MICU2: variants seen among roughly 807,000 people sequenced by gnomAD.
The protein encoded by MICU2 is calcium uptake protein 2, mitochondrial.
A neutral mutation model predicts 60.4 loss-of-function variants in MICU2; 64 were observed. The ratio of observed to expected loss-of-function variants is 1.06; its 90% CI spans 0.87 to 1.31. MICU2 has a LOEUF of 1.31. Among genes scored for constraint, MICU2 ranks in the 50% most tolerant of loss-of-function variants. The pLI, the probability that MICU2 is intolerant of heterozygous loss-of-function variation, is 0.00. For synonymous variants in MICU2, 201 were observed against 175.0 expected, an observed-to-expected ratio of 1.15 and a Z score of -1.17; for missense variants, 569 against 531.0, an observed-to-expected ratio of 1.07 and a Z score of -0.70.
chr13:21,562,237 T>C (rs2138033958), intron 2 of MICU2, among the ~76,000 whole-genome samples: 1 of 152,286 alleles, frequency 6.6e-6, no homozygotes, highest in Non-Finnish European at 1.5e-5. Context: ...AGTGATGGGA[T>C]GGCTGGGTCA....
At chr13:21,502,532 G>A (rs536552581) in intron 9 of MICU2, among the ~76,000 whole-genome samples, 1 of 151,990 alleles carries the variant, frequency 6.6e-6, no homozygotes, top group African/African-American at 2.4e-5. Flanking sequence ...TTGTTTCTAC[G>A]GTTTTTCTAC....
intron 7 of MICU2, among the ~76,000 whole-genome samples, chr13:21,513,424 T>G (rs140446929): frequency 9.4e-4 from 143 of 152,150 alleles, no homozygotes; most frequent in African/African-American, 3.1e-3. Flanking sequence ...CCTGCCCTAT[T>G]TGTTTTAATG....
chr13:21,509,820 C>G (rs1294588628), intron 8 of MICU2, among the ~76,000 whole-genome samples, 184 bp downstream of exon 8: 5 of 152,144 alleles, frequency 3.3e-5, no homozygotes, highest in African/African-American at 1.2e-4. Flanking sequence ...ATATTTTGAG[C>G]ATACTAATTT....
chr13:21,539,357 T>C lies in MICU2; in HGVS notation c.411A>G (p.Ser137=). The stretch of plus-strand genomic sequence containing the variant: ...ATCCACAGCCAGCTGTTTGGATCCC[T>C]GACAGTGTATCCTCGATGTCCTTTG... The part of the protein sequence containing the change: ...LTKKDIEDTL[S]GIQTAGCGST... Residue 137 remains serine, a synonymous_variant, in exon 4 of 12, where the codon TCA becomes TCG. Transcript: ENST00000382374. 2 of 1,614,016 alleles carry C rather than the reference T, an allele frequency of 1.2e-6. No homozygotes were observed. The highest frequency in any genetic ancestry group is 2.2e-5 in the East Asian group (1 of 44,878).
intron 2 of MICU2, among the ~76,000 whole-genome samples, chr13:21,545,673 A>T (rs1228117936): frequency 7.0e-6 from 1 of 143,106 alleles, no homozygotes; most frequent in Non-Finnish European, 1.5e-5. Flanking sequence ...AACTCCATCT[A>T]AAAAAAAAAA....
chr13:21,575,598 C>T (rs1481639023), intron 1 of MICU2, among the ~76,000 whole-genome samples: 1 of 151,478 alleles, frequency 6.6e-6, no homozygotes, highest in African/African-American at 2.4e-5. Flanking sequence ...GTGGCTCACA[C>T]CTGTGGTCCC....
intron 9 of MICU2, 25 bp from the exon 10 acceptor site, chr13:21,496,185 C>A (rs1450854067): frequency 5.9e-6 from 9 of 1,527,116 alleles, no homozygotes; most frequent in African/African-American, 2.8e-5. Flanking sequence ...GTTTTTATTA[C>A]AATTTTGTAA....
intron 1 of MICU2, among the ~76,000 whole-genome samples, chr13:21,579,732 T>TAC (rs1338910209): frequency 6.6e-6 from 1 of 152,186 alleles, no homozygotes; most frequent in Admixed American, 6.5e-5. Context: ...TTTCTGCTTT[T>TAC]ACCTTATTCT....
intron 4 of MICU2, among the ~76,000 whole-genome samples, chr13:21,524,410 C>T (rs1886798402): frequency 1.3e-5 from 2 of 151,978 alleles, no homozygotes; most frequent in Admixed American, 6.6e-5. Context: ...AAAAATTCAG[C>T]CTGTATATCT....
At chr13:21,522,575 T>C in intron 5 of MICU2, 28 bp downstream of exon 5, 1 of 1,557,808 alleles carries the variant, frequency 6.4e-7, no homozygotes, top group Non-Finnish European at 8.7e-7. Flanking sequence ...TTCCACATGA[T>C]CTCTGAGAAA....
chr13:21,596,182 G>A (rs551401437), intron 1 of MICU2, among the ~76,000 whole-genome samples: 1 of 152,144 alleles, frequency 6.6e-6, no homozygotes, highest in African/African-American at 2.4e-5. Context: ...TTAAAACCAC[G>A]GGAGCCTTGT....
intron 8 of MICU2, 107 bp downstream of exon 8, chr13:21,509,897 A>G (rs1886384678): frequency 1.7e-6 from 1 of 582,806 alleles, no homozygotes; most frequent in Non-Finnish European, 2.9e-6. Context: ...ATCCACAAAC[A>G]GTATTTTAGT....
At chr13:21,557,306 G>A (rs138105860) in intron 2 of MICU2, among the ~76,000 whole-genome samples, 78 of 152,220 alleles carry the variant, frequency 5.1e-4, no homozygotes, top group Middle Eastern at 3.4e-3. Flanking sequence ...GAACTATAAG[G>A]CTAAAGAAAT....
At chr13:21,571,463 C>T (rs1032583458) in intron 1 of MICU2, among the ~76,000 whole-genome samples, 4 of 152,070 alleles carry the variant, frequency 2.6e-5, no homozygotes, top group East Asian at 1.9e-4. Flanking sequence ...TTTGGGAGGC[C>T]GAGATGGGTG....
chr13:21,511,583 T>A (rs1886428689), intron 7 of MICU2, among the ~76,000 whole-genome samples: 1 of 152,222 alleles, frequency 6.6e-6, no homozygotes, highest in Non-Finnish European at 1.5e-5. Context: ...AATGGTAGCA[T>A]CTTGCAAAAC....
At chr13:21,555,556 C>A (rs1200635420) in intron 2 of MICU2, among the ~76,000 whole-genome samples, 1 of 152,084 alleles carries the variant, frequency 6.6e-6, no homozygotes, top group Non-Finnish European at 1.5e-5. Context: ...AAACCCACAG[C>A]CAATATCATA....
At chr13:21,571,897 C>T (rs553686719) in intron 1 of MICU2, among the ~76,000 whole-genome samples, 1 of 152,302 alleles carries the variant, frequency 6.6e-6, no homozygotes, top group Non-Finnish European at 1.5e-5. Context: ...AAAGTAACAG[C>T]AGCCATACAG....
chr13:21,581,969 A>ATG (rs1230356972), intron 1 of MICU2, among the ~76,000 whole-genome samples: 2 of 152,274 alleles, frequency 1.3e-5, no homozygotes, highest in African/African-American at 4.8e-5. Flanking sequence ...GCATATCTGC[A>ATG]TAATTCTGAT....
chr13:21,495,206 T>C lies in MICU2; in HGVS notation c.1155A>G (p.Glu385=), dbSNP rs545695975. ...TGTTTTTTAACACCCCAAGAAACTCTTCATGACTAAGACATTCATCACCAT... is the reference window on the plus strand; with the variant it reads ...TGTTTTTTAACACCCCAAGAAACTCCTCATGACTAAGACATTCATCACCAT... The part of the protein sequence containing the change: ...DLDGDECLSH[E]EFLGVLKNRM... The change falls in exon 11 of 12, where the codon GAA becomes GAG. Residue 385 remains glutamate (E), a synonymous_variant. Transcript: ENST00000382374. 7 of 1,612,668 alleles carry C rather than the reference T, an allele frequency of 4.3e-6. No homozygotes were observed. The African/African-American group carries it at 9.3e-5, about 22-fold the overall frequency.
Sources: allele counts gnomAD v4.1 joint callset (sites outside exome capture counted in the v4.1 genomes callset), GRCh38; gene constraint gnomAD v4.1.1; transcripts MANE v1.5; gene names NCBI Gene and HGNC (gene_info 2026-07-23, HGNC 2026-07-21).